The following NOD2 variants were observed in gnomAD, a reference collection of about 807,000 sequenced individuals.
The protein encoded by NOD2 is nucleotide-binding oligomerization domain-containing protein 2.
A neutral mutation model predicts 90.9 loss-of-function variants in NOD2; 86 were observed. That is an observed-to-expected ratio of 0.95 (90% CI 0.79 to 1.13). The LOEUF is 1.13. Among genes scored for constraint, NOD2 ranks in the 50% most tolerant of loss-of-function variants. The pLI is 0.00. For missense variants in NOD2, 1,238 were observed against 1,283.8 expected (o/e 0.96, Z 0.55); for synonymous variants, 581 against 554.6 (o/e 1.05, Z -0.67).
At chr16:50,728,159 TGGAATG>T in intron 10 of NOD2, 1 of 214,096 alleles carries the variant, frequency 4.7e-6, no homozygotes, top group Non-Finnish European at 9.6e-6. Context: ...TGAATGACCA[TGGAATG>T]GTCGATGTTG....
intron 8 of NOD2, 55 bp from the exon 9 acceptor site, chr16:50,723,246 C>A: frequency 6.5e-6 from 10 of 1,528,828 alleles, no homozygotes; most frequent in South Asian, 2.3e-5. Flanking sequence ...TAGGTTAGCT[C>A]ATCTCTGAGG....
At position 50,711,303 on chromosome 16, in the gene NOD2, G is replaced by C. The variant is rs771183089; in HGVS notation, c.1311G>C (p.Gly437=). The C allele has an allele frequency of 6.2e-7, 1 of 1,613,724 alleles. No homozygotes were observed. Among genetic ancestry groups the C allele is most frequent in the Non-Finnish European group, 8.5e-7 (1 of 1,180,026 alleles). Residue 437 remains glycine (G), a synonymous_variant, in exon 4 of 12, where the codon GGG becomes GGC. Transcript: ENST00000647318. ...TGAGGAAGCGCCATCATGAGCCCGG[G>C]GTGGCGGACCGCCTCATCCGCCTGC... The part of the protein sequence containing the change: ...LYLRKRHHEP[G]VADRLIRLLQ...
intron 6 of NOD2, among the ~76,000 whole-genome samples, chr16:50,717,278 C>T (rs986726405): frequency 2.0e-5 from 3 of 152,204 alleles, no homozygotes; most frequent in Non-Finnish European, 4.4e-5. Flanking sequence ...CTGAGTTCCA[C>T]GATGCATGTT....
rs369732140 is a variant in NOD2, at chr16:50,710,939, T to G, written c.947T>G (p.Leu316Arg). The change falls in exon 4 of 12, where the codon CTC becomes CGC. Residue 316 changes from leucine to arginine, a missense_variant. Coordinates refer to ENST00000647318, the MANE Select transcript of NOD2 (RefSeq NM_001370466.1). The part of the protein sequence containing the change: ...CRQLQCMAKP[L>R]SVRTLLFEHC... ...CAGCTGCAGTGCATGGCCAAACCAC[T>G]CTCTGTGCGGACTCTACTCTTTGAG... 1 of 1,614,130 alleles carries G rather than the reference T, an allele frequency of 6.2e-7. No homozygotes were observed. The highest frequency in any genetic ancestry group is 8.5e-7 in the Non-Finnish European group (1 of 1,180,006).
At chr16:50,730,468 A>G (rs537691180) in intron 11 of NOD2, among the ~76,000 whole-genome samples, 40 of 152,326 alleles carry the variant, frequency 2.6e-4, no homozygotes, top group Admixed American at 2.2e-3. Flanking sequence ...GCTGAGCCAC[A>G]GCTTCAAAGA....
intron 2 of NOD2, among the ~76,000 whole-genome samples, chr16:50,706,613 T>G (rs978546266): frequency 1.3e-5 from 2 of 152,144 alleles, no homozygotes; most frequent in East Asian, 1.9e-4. Context: ...CTGGTCCACA[T>G]GGAGTTTCCA....
At chr16:50,705,376 C>G (rs554085654) in intron 2 of NOD2, among the ~76,000 whole-genome samples, 2 of 152,262 alleles carry the variant, frequency 1.3e-5, no homozygotes, top group East Asian at 1.9e-4. Flanking sequence ...CTTCTATCTC[C>G]CACATTAGAT....
At position 50,711,543 on chromosome 16, in the gene NOD2, C is replaced by T; in HGVS notation, c.1551C>T (p.Leu517=). The T allele has an allele frequency of 1.9e-6, 3 of 1,612,672 alleles. No homozygotes were observed. Among genetic ancestry groups the T allele is most frequent in the Non-Finnish European group, 1.7e-6 (2 of 1,180,010 alleles). The change falls in exon 4 of 12, where the codon CTC becomes CTT. Residue 517 remains leucine, a synonymous_variant. Coordinates refer to ENST00000647318, the MANE Select transcript of NOD2 (RefSeq NM_001370466.1). ...GLGPSLLRGR[L]PTLLHLGRLA... is the part of the protein sequence containing the mutation. ...GACCCAGTCTTCTTCGGGGCCGCCT[C>T]CCCACCCTCCTGCACCTGGGCAGAC...
In NOD2 at chr16:50,711,721, A is replaced by G. The variant is rs572217630; in HGVS notation, c.1729A>G (p.Ile577Val). 1.7e-5 allele frequency: 28 copies of G among 1,613,978 alleles called. No homozygotes were observed. Among genetic ancestry groups the G allele is most frequent in the Non-Finnish European group, 2.3e-5 (27 of 1,180,034 alleles). The change falls in exon 4 of 12, where the codon ATC (isoleucine) becomes GTC (valine). Residue 577 changes from isoleucine to valine, a missense_variant. By Grantham distance (29) the Ile-to-Val change is conservative. Coordinates refer to ENST00000647318, the MANE Select transcript of NOD2 (RefSeq NM_001370466.1). Reference protein sequence around the residue: ...GSTAPLEFLHITFQCFFAAFY... With the variant: ...GSTAPLEFLHVTFQCFFAAFY... ...TACGGCGCCCCTGGAATTCCTTCAC[A>G]TCACTTTCCAGTGCTTCTTTGCCGC...
Position 50,729,882 on chromosome 16 carries a change from G to C in NOD2, c.2950G>C (p.Asp984His). Residue 984 changes from aspartate (D) to histidine (H), a missense_variant, in exon 11 of 12, where the codon GAC becomes CAC. Physicochemically the swap from Asp to His is moderately conservative, Grantham distance 81. This residue lies in a region of NOD2 where 667 missense variants were observed against 688.7 expected (regional missense o/e 0.97). Coordinates refer to ENST00000647318, the MANE Select transcript of NOD2 (RefSeq NM_001370466.1). ...EALLQALERNDTILEVWLRGN... is the reference protein window; with the variant it reads ...EALLQALERNHTILEVWLRGN... ...CCTCCTGCAGGCCCTTGAAAGGAAT[G>C]ACACCATCCTGGAAGTCTGGTAAGG... 6.2e-7 allele frequency: 1 copy of C among 1,612,794 alleles called. No individual in the cohort carries two copies. The highest frequency in any genetic ancestry group is 8.5e-7 in the Non-Finnish European group (1 of 1,179,078).
rs865807041 is a variant in NOD2, at chr16:50,697,788, C to A, written c.-8-1700C>A. On this transcript the variant is annotated intron_variant, in intron 1 of 11. Coordinates refer to ENST00000647318, the MANE Select transcript of NOD2 (RefSeq NM_001370466.1). Reference sequence around the variant, plus strand: ...GTTTCCCCATCTGACCAGCACAGGGCCCCCTGTGCCCCAGCAGCGTTCTGA... The same window carrying A: ...GTTTCCCCATCTGACCAGCACAGGGACCCCTGTGCCCCAGCAGCGTTCTGA... The A allele has an allele frequency of 2.5e-5, 6 of 241,084 alleles. No individual in the cohort carries two copies. The Admixed American group carries it at 2.6e-4, about 10-fold the overall frequency. The allele number at this position is 241,084 out of a possible 1,614,324, so 14.9% of individuals were successfully genotyped here.
At chr16:50,726,254 C>CTTTTTTTTTTTT (rs1965260808) in intron 10 of NOD2, among the ~76,000 whole-genome samples, 1 of 152,020 alleles carries the variant, frequency 6.6e-6, no homozygotes, top group African/African-American at 2.4e-5. Flanking sequence ...TGCCAAAATT[C>CTTTTTTTTTTTT]TTATTTCAAG....
chr16:50,719,900 C>G (rs1964968078), intron 6 of NOD2, 25 bp from the exon 7 acceptor site: 1 of 1,608,762 alleles, frequency 6.2e-7, no homozygotes, highest in Non-Finnish European at 8.5e-7. Flanking sequence ...TGTGTTCTCT[C>G]AGCCTCCTCT....
chr16:50,711,425 G>C lies in NOD2; in HGVS notation c.1433G>C (p.Gly478Ala), dbSNP rs1447813363. The part of the protein sequence containing the change: ...CHQELLLQEG[G>A]SPKTTTDMYL... ...CAGGAACTGTTGCTGCAGGAGGGGG[G>C]GTCCCCAAAGACCACTACAGATATG... is the stretch of plus-strand genomic sequence containing the variant. The change falls in exon 4 of 12, where the codon GGG becomes GCG. Residue 478 changes from glycine (G) to alanine (A), a missense_variant. Around this residue, in one of 3 missense-constraint regions of NOD2, gnomAD observed 667 missense variants for 688.7 expected, o/e 0.97. Coordinates refer to ENST00000647318, the MANE Select transcript of NOD2 (RefSeq NM_001370466.1). 1.9e-6 allele frequency: 3 copies of C among 1,613,506 alleles called. No individual in the cohort carries two copies. Among genetic ancestry groups the C allele is most frequent in the South Asian group, 2.2e-5 (2 of 91,084 alleles).
intron 9 of NOD2, 89 bp from the exon 10 acceptor site, chr16:50,725,400 G>A: frequency 2.0e-6 from 2 of 1,010,814 alleles, no homozygotes; most frequent in East Asian, 2.4e-5. Flanking sequence ...GTTTTCAGAT[G>A]TTGGATTTCC....
chr16:50,716,441 T>C (rs1245987168), intron 4 of NOD2, 146 bp from the exon 5 acceptor site: 11 of 769,432 alleles, frequency 1.4e-5, no homozygotes, highest in South Asian at 9.7e-5. Context: ...GTCTCCACTT[T>C]TTTGGGGTGC....
Position 50,723,198 on chromosome 16 carries a change from G to A in NOD2, c.2718-103G>A. ...GCAATCAATTAGTGATGTCTGAAAT[G>A]GAGCAGACCAGGAGAGCACCACGAA... On this transcript the variant is annotated intron_variant, in intron 8 of 11. Coordinates refer to ENST00000647318, the MANE Select transcript of NOD2 (RefSeq NM_001370466.1). 6.2e-6 allele frequency: 5 copies of A among 804,864 alleles called. No individual in the cohort carries two copies. In the South Asian group the frequency reaches 7.2e-5, roughly 12 times the overall value. The allele number at this position is 804,864 out of a possible 1,614,324, so 49.9% of individuals were successfully genotyped here. A position where few individuals can be genotyped will look rare whatever the true frequency, so the allele number is the denominator to read the frequency against.
At position 50,731,908 on chromosome 16, in the gene NOD2, C is replaced by T. The variant is rs184545855; in HGVS notation, c.*89C>T. 1,963 of 952,126 alleles carry T rather than the reference C, an allele frequency of 2.1e-3. 25 individuals carry two copies. The highest frequency in any genetic ancestry group is 6.5e-3 in the South Asian group (503 of 77,124). The allele number at this position is 952,126 out of a possible 1,614,324, so 59.0% of individuals were successfully genotyped here. On this transcript the variant is annotated 3_prime_UTR_variant, in exon 12 of 12. Transcript: ENST00000647318. ...GCTGGGTGACATGTGTTGGCAGCCT[C>T]TTCAAAATGAGCCCTGTCCTGCCTA...
chr16:50,716,702 C>T (rs750999250), intron 5 of NOD2, 32 bp downstream of exon 5: 3 of 1,604,336 alleles, frequency 1.9e-6, no homozygotes, highest in East Asian at 4.5e-5. Flanking sequence ...ACAATGGGCT[C>T]CAAGTGCCCT....
Sources: gnomAD v4.1 joint callset for allele counts (sites outside exome capture counted in the v4.1 genomes callset) on GRCh38, gnomAD v4.1.1 for gene constraint, gnomAD v4.1.1 regional missense constraint, MANE v1.5 for transcripts, NCBI Gene and HGNC (gene_info 2026-07-23, HGNC 2026-07-21) for gene names.